The following CFAP46 variants were observed in gnomAD, a reference collection of about 807,000 sequenced individuals.
CFAP46 encodes the protein cilia- and flagella-associated protein 46.
A neutral mutation model predicts 325.7 loss-of-function variants in CFAP46; 245 were observed. The ratio of observed to expected loss-of-function variants is 0.75; its 90% CI spans 0.68 to 0.84. The LOEUF (loss-of-function observed/expected upper bound fraction) is 0.84. CFAP46 is among the 40% of genes least tolerant of loss of function. CFAP46 has a pLI of 0.00. For synonymous variants in CFAP46, 1,523 were observed against 1,495.9 expected (o/e 1.02, Z -0.42); for missense variants, 3,346 against 3,543.0 (o/e 0.94, Z 1.41).
chr10:132,841,003 C>T (rs952709617), intron 44 of CFAP46, among the ~76,000 whole-genome samples: 2 of 152,310 alleles, frequency 1.3e-5, no homozygotes, highest in Admixed American at 6.5e-5. Flanking sequence ...CACAGTCCCG[C>T]TCCCAGGATA....
chr10:132,857,680 G>T lies in CFAP46; in HGVS notation c.5484C>A (p.Ser1828Arg), dbSNP rs748009421. The T allele has an allele frequency of 8.1e-6, 13 of 1,613,852 alleles. No homozygotes were observed. Among genetic ancestry groups the T allele is most frequent in the Non-Finnish European group, 1.1e-5 (13 of 1,179,970 alleles). ...GGGCCAGGCCATATAAGCCCTGGAT[G>T]CTGTGAAGCCTCCCTTCTTCCTCAG... Reference protein sequence around the residue: ...AVAEEEGRLHSIQGLYGLAQG... With the variant: ...AVAEEEGRLHRIQGLYGLAQG... Residue 1828 changes from serine (S) to arginine (R), a missense_variant, in exon 39 of 58, where the codon AGC (serine) becomes AGA (arginine). By Grantham distance (110) the Ser-to-Arg change is moderately radical. Transcript: ENST00000368586.
At chr10:132,837,769 G>A (rs1401333486) in intron 44 of CFAP46, among the ~76,000 whole-genome samples, 2 of 114,248 alleles carry the variant, frequency 1.8e-5, no homozygotes, top group Non-Finnish European at 1.7e-5. Context: ...ACACGCACAC[G>A]TACACAGATG....
At position 132,885,198 on chromosome 10, in the gene CFAP46, C is replaced by T. The variant is rs1298231118; in HGVS notation, c.3532G>A (p.Asp1178Asn). The change falls in exon 27 of 58, where the codon GAC becomes AAC. Residue 1178 changes from aspartate to asparagine, a missense_variant. Coordinates refer to ENST00000368586, the MANE Select transcript of CFAP46 (RefSeq NM_001200049.3). Reference sequence around the variant, plus strand: ...CGGTGCCACATGCGCGCCAAGTAGTCCTCACTCTCGGCCTTGAATTTCTGT... The same window carrying T: ...CGGTGCCACATGCGCGCCAAGTAGTTCTCACTCTCGGCCTTGAATTTCTGT... ...EIQKFKAESE[D>N]YLARMWHRLA... is the part of the protein sequence containing the mutation. 2 of 1,550,402 alleles carry T rather than the reference C, an allele frequency of 1.3e-6. No homozygotes were observed.
At chr10:132,851,070 G>A in intron 40 of CFAP46, 47 bp downstream of exon 40, 2 of 1,607,530 alleles carry the variant, frequency 1.2e-6, no homozygotes, top group Middle Eastern at 2.1e-4. Flanking sequence ...CAGCTGCACT[G>A]TGGCCTGGCG....
At chr10:132,883,746 C>A (rs528119932) in intron 27 of CFAP46, among the ~76,000 whole-genome samples, 1 of 152,236 alleles carries the variant, frequency 6.6e-6, no homozygotes, top group African/African-American at 2.4e-5. Flanking sequence ...AGACACATAA[C>A]GGAATACGAC....
chr10:132,910,516 G>A (rs1394681803), intron 19 of CFAP46, among the ~76,000 whole-genome samples: 2 of 122,922 alleles, frequency 1.6e-5, no homozygotes, highest in African/African-American at 5.7e-5. Flanking sequence ...CCAGCTCCCT[G>A]TCTTGCTGGC....
intron 39 of CFAP46, among the ~76,000 whole-genome samples, chr10:132,855,022 A>C (rs1461096483): frequency 1.3e-5 from 2 of 152,192 alleles, no homozygotes. Flanking sequence ...AACGTTCTAG[A>C]AATATCTTCA....
chr10:132,903,503 C>T (rs796074028), intron 22 of CFAP46, among the ~76,000 whole-genome samples: 6 of 152,372 alleles, frequency 3.9e-5, no homozygotes, highest in African/African-American at 1.2e-4. Flanking sequence ...TCTGGGCCCG[C>T]TCTCCAGGCT....
Position 132,924,692 on chromosome 10 carries a change from C to G in CFAP46, c.1256+4G>C, listed in dbSNP as rs1183283035. The G allele has an allele frequency of 6.6e-7, 1 of 1,515,376 alleles. No individual in the cohort carries two copies. Among genetic ancestry groups the G allele is most frequent in the African/African-American group, 1.4e-5 (1 of 71,162 alleles). 93.9% of individuals were successfully genotyped at this position (1,515,376 alleles called of 1,614,324 possible). A position where few individuals can be genotyped will look rare whatever the true frequency, so the allele number is the denominator to read the frequency against. ...GGAGGACACAGCACAGGTGAGCGCC[C>G]CACCTGTCCAGCTTCTCCAGCACGT... On this transcript the variant is annotated splice_donor_region_variant and intron_variant, in intron 11 of 57. Transcript: ENST00000368586.
intron 34 of CFAP46, among the ~76,000 whole-genome samples, chr10:132,866,509 C>T (rs900817169): frequency 6.6e-6 from 1 of 152,236 alleles, no homozygotes; most frequent in African/African-American, 2.4e-5. Context: ...CTTGCCCCAC[C>T]TCGTGGTGCC....
chr10:132,811,057 G>T (rs1055927030), intron 55 of CFAP46, 26 bp from the exon 56 acceptor site: 5 of 1,556,280 alleles, frequency 3.2e-6, no homozygotes, highest in Non-Finnish European at 4.3e-6. Flanking sequence ...GGGCAGCTCA[G>T]CAGCCTTGGC....
At chr10:132,913,299 C>T (rs1849583305) in intron 17 of CFAP46, 41 bp from the exon 18 acceptor site, 10 of 1,524,160 alleles carry the variant, frequency 6.6e-6, no homozygotes, top group Non-Finnish European at 8.0e-6. Flanking sequence ...GCAGGGTCCC[C>T]AGCCCCGGGG....
chr10:132,860,479 G>A lies in CFAP46; in HGVS notation c.5136C>T (p.Leu1712=). 1 of 1,551,236 alleles carries A rather than the reference G, an allele frequency of 6.4e-7. No homozygotes were observed. The highest frequency in any genetic ancestry group is 8.7e-7 in the Non-Finnish European group (1 of 1,147,118). The change falls in exon 37 of 58, where the codon CTC becomes CTT. Residue 1712 remains leucine, a synonymous_variant. Transcript: ENST00000368586. ...GCAATCGGTTTGGTCTTTCTTTCTT[G>A]AGGATCTTGAAGGCATTGATGAGCT... ...FQKLINAFKI[L]KKERPNRLPL... is the part of the protein sequence containing the mutation.
intron 41 of CFAP46, among the ~76,000 whole-genome samples, chr10:132,848,476 A>G (rs931812890): frequency 1.9e-4 from 28 of 151,064 alleles, no homozygotes; most frequent in African/African-American, 6.6e-4. Flanking sequence ...CCAGGTCATC[A>G]GCCGGCTGCC....
intron 50 of CFAP46, among the ~76,000 whole-genome samples, chr10:132,821,293 CTGTGTGTGCTGTGTGTTG>C (rs1374243023): frequency 1.9e-5 from 2 of 107,328 alleles, no homozygotes; most frequent in Non-Finnish European, 3.6e-5. Flanking sequence ...CTGATGTGTG[CTGTGTGTGCTGTGTGTTG>C]TGTGTGCTGT....
chr10:132,914,005 C>G (rs1268938396), intron 17 of CFAP46, among the ~76,000 whole-genome samples: 3 of 152,306 alleles, frequency 2.0e-5, no homozygotes, highest in Middle Eastern at 3.4e-3. Flanking sequence ...CCCCCGCTCA[C>G]CCCTGCAAAC....
intron 50 of CFAP46, among the ~76,000 whole-genome samples, chr10:132,825,165 ATG>A (rs1848021243): frequency 9.0e-6 from 1 of 111,342 alleles, no homozygotes; most frequent in Non-Finnish European, 1.8e-5. Flanking sequence ...GTGTGCAGTG[ATG>A]TGTGCTGTGT....
At chr10:132,912,598 CTCTCT>C in intron 19 of CFAP46, 52 bp downstream of exon 19, 1 of 1,421,020 alleles carries the variant, frequency 7.0e-7, no homozygotes, top group Non-Finnish European at 9.3e-7. Context: ...TCTCTCTCTC[CTCTCT>C]CCTCTCTCTC....
At chr10:132,838,033 C>G (rs1848295430) in intron 44 of CFAP46, among the ~76,000 whole-genome samples, 1 of 152,248 alleles carries the variant, frequency 6.6e-6, no homozygotes, top group South Asian at 2.1e-4. Flanking sequence ...TGCCCCCATG[C>G]TCCCCTGGGG....
Sources: allele counts gnomAD v4.1 joint callset (sites outside exome capture counted in the v4.1 genomes callset), GRCh38; gene constraint gnomAD v4.1.1; transcripts MANE v1.5; gene names NCBI Gene and HGNC (gene_info 2026-07-23, HGNC 2026-07-21).